PCDHGA8: variants seen among roughly 807,000 people sequenced by gnomAD.
PCDHGA8 encodes the protein protocadherin gamma subfamily A, 8, also known as protocadherin gamma-A8.
PCDHGA8 carries 45 observed loss-of-function variants against 59.2 expected under a neutral mutation model. The observed-to-expected ratio is 0.76, with a 90% CI of 0.60 to 0.98. The LOEUF (loss-of-function observed/expected upper bound fraction) is 0.98, where lower values mean the gene tolerates loss of function less well. Ranked by LOEUF, PCDHGA8 falls within the 50% of genes least tolerant of loss-of-function variation. PCDHGA8 has a pLI of 0.00. For missense variants in PCDHGA8, 1,257 were observed against 1,196.2 expected (o/e 1.05, Z -0.75); for synonymous variants, 531 against 519.0 (o/e 1.02, Z -0.32).
intron 1 of PCDHGA8, among the ~76,000 whole-genome samples, chr5:141,444,150 GGAT>G (rs2098419400): frequency 8.8e-6 from 1 of 114,014 alleles, no homozygotes; most frequent in African/African-American, 3.4e-5. Context: ...TGTGTGTACT[GGAT>G]TTTTTTTTTT....
chr5:141,491,136 G>A lies in PCDHGA8; in HGVS notation c.2425-3671G>A, dbSNP rs769904518. On this transcript the variant is annotated intron_variant, in intron 1 of 3. Coordinates refer to ENST00000398604, the MANE Select transcript of PCDHGA8 (RefSeq NM_032088.2). This position sits in a 1 kb window ranked among gnomAD's most constrained non-coding sequence, Gnocchi z 6.9. ...ACACTGGTGAGGTGCGCACAGCCCG[G>A]GCCTTACTGGAGGATGACTCTGACA... The A allele has an allele frequency of 2.4e-5, 38 of 1,614,030 alleles. 1 individual carries two copies. The South Asian group carries it at 4.1e-4, about 17-fold the overall frequency.
intron 1 of PCDHGA8, chr5:141,422,754 C>T: frequency 1.2e-6 from 2 of 1,612,450 alleles, no homozygotes; most frequent in Non-Finnish European, 1.7e-6. Flanking sequence ...TCTCTATTAA[C>T]TCCAACACTG....
At chr5:141,401,296 C>A (rs2094138441) in intron 1 of PCDHGA8, among the ~76,000 whole-genome samples, 1 of 152,104 alleles carries the variant, frequency 6.6e-6, no homozygotes, top group Non-Finnish European at 1.5e-5. Flanking sequence ...GAGCCGAGAT[C>A]ACTCCATTGC....
At chr5:141,494,215 G>T (rs984086536) in intron 1 of PCDHGA8, among the ~76,000 whole-genome samples, 2 of 152,200 alleles carry the variant, frequency 1.3e-5, no homozygotes, top group Non-Finnish European at 2.9e-5. Context: ...GCCCAATCTG[G>T]CATGACTCCT....
chr5:141,414,271 C>T (rs1561747971), intron 1 of PCDHGA8: 3 of 1,613,292 alleles, frequency 1.9e-6, no homozygotes, highest in East Asian at 2.2e-5. Context: ...AGATTCACCT[C>T]TGGGAACAGT....
At chr5:141,417,585 G>T in intron 1 of PCDHGA8, 1 of 462,794 alleles carries the variant, frequency 2.2e-6, no homozygotes, top group South Asian at 4.9e-5. Context: ...GTCCCACACA[G>T]AGCCTCTGGG....
chr5:141,499,996 C>A (rs1246090346), intron 2 of PCDHGA8, among the ~76,000 whole-genome samples: 2 of 151,572 alleles, frequency 1.3e-5, no homozygotes, highest in Non-Finnish European at 2.9e-5. Flanking sequence ...CCAGATGATT[C>A]TTTCATAAGG....
chr5:141,404,079 C>G lies in PCDHGA8; in HGVS notation c.2424+8842C>G, dbSNP rs768434673. On this transcript the variant is annotated intron_variant, in intron 1 of 3. Transcript: ENST00000398604. ...CTTTTCAATGCTCATGACCGAGACT[C>G]CGGGAAGAATGGTCAAGTTGTCTGT... 3.1e-6 allele frequency: 5 copies of G among 1,613,568 alleles called. No homozygotes were observed. In the East Asian group the frequency reaches 1.1e-4, roughly 36 times the overall value.
chr5:141,427,855 G>T (rs2097079766), intron 1 of PCDHGA8: 1 of 1,553,826 alleles, frequency 6.4e-7, no homozygotes, highest in Non-Finnish European at 8.8e-7. Flanking sequence ...GAGCAGCTGT[G>T]CGCCTTCGAG....
At chr5:141,480,703 C>G (rs577131684) in intron 1 of PCDHGA8, among the ~76,000 whole-genome samples, 1 of 152,134 alleles carries the variant, frequency 6.6e-6, no homozygotes, top group African/African-American at 2.4e-5. Context: ...GGCCACACCC[C>G]GACAAATGAA....
In PCDHGA8 at chr5:141,414,114, T is replaced by C. The variant is rs145910780; in HGVS notation, c.2424+18877T>C. The C allele has an allele frequency of 2.0e-5, 32 of 1,592,348 alleles. 2 individuals carry two copies. In the East Asian group the frequency reaches 6.3e-4, roughly 32 times the overall value. ...TAAAAATATCAGAAAATCTAGATTA[T>C]GAAGAAACCGGTTTCTATGAAATAG... On this transcript the variant is annotated intron_variant, in intron 1 of 3. Coordinates refer to ENST00000398604, the MANE Select transcript of PCDHGA8 (RefSeq NM_032088.2).
rs530404769 is a variant in PCDHGA8, at chr5:141,423,267, G to C, written c.2424+28030G>C. On this transcript the variant is annotated intron_variant, in intron 1 of 3. Coordinates refer to ENST00000398604, the MANE Select transcript of PCDHGA8 (RefSeq NM_032088.2). ...TCCTGGCGGACCTCGGCAGCCTCGA[G>C]TCTCTGGCTAACTCTGAAACCTCAG... The C allele has an allele frequency of 2.5e-6, 4 of 1,613,710 alleles. No individual in the cohort carries two copies. In the South Asian group the frequency reaches 4.4e-5, roughly 18 times the overall value.
chr5:141,399,491 T>A, intron 1 of PCDHGA8: 1 of 1,614,022 alleles, frequency 6.2e-7, no homozygotes, highest in African/African-American at 1.3e-5. Flanking sequence ...TCCTACTTAG[T>A]CAGTGTACCC....
intron 1 of PCDHGA8, among the ~76,000 whole-genome samples, chr5:141,467,404 C>T (rs1032912609): frequency 1.3e-5 from 2 of 151,864 alleles, no homozygotes; most frequent in African/African-American, 4.8e-5. Context: ...AGTTAGAAAG[C>T]CTTTCCCCAC....
In PCDHGA8 at chr5:141,485,066, G is replaced by A. The variant is rs907517904; in HGVS notation, c.2425-9741G>A. On this transcript the variant is annotated intron_variant, in intron 1 of 3. Coordinates refer to ENST00000398604, the MANE Select transcript of PCDHGA8 (RefSeq NM_032088.2). This position sits in a 1 kb window ranked among gnomAD's most constrained non-coding sequence, Gnocchi z 5.7. Reference sequence around the variant, plus strand: ...GCGGCGCCGGCCGAACCGCGCCAGAGCTGGCGCGGGGAAAGGGAGATAGGT... The same window carrying A: ...GCGGCGCCGGCCGAACCGCGCCAGAACTGGCGCGGGGAAAGGGAGATAGGT... 1 of 885,622 alleles carries A rather than the reference G, an allele frequency of 1.1e-6. No individual in the cohort carries two copies. Among genetic ancestry groups the A allele is most frequent in the Non-Finnish European group, 1.8e-6 (1 of 559,820 alleles). 54.9% of individuals were successfully genotyped at this position (885,622 alleles called of 1,614,324 possible).
At chr5:141,415,739 GGTTTTTTTT>G in intron 1 of PCDHGA8, 5 of 434,942 alleles carry the variant, frequency 1.1e-5, no homozygotes, top group African/African-American at 9.8e-5. Context: ...TGTTTATTAA[GGTTTTTTTT>G]TTTTTTTTTT....
Position 141,490,330 on chromosome 5 carries a change from C to T in PCDHGA8, c.2425-4477C>T, listed in dbSNP as rs2099698666. ...GGCCAACCCTGTCCTAGAGAGCACA[C>T]CAGTGGGCACAGTAGTGGGGTTGTT... is the stretch of plus-strand genomic sequence containing the variant. On this transcript the variant is annotated intron_variant, in intron 1 of 3. Transcript: ENST00000398604. The surrounding 1 kb of genome is among the most constrained non-coding windows in gnomAD (Gnocchi z 5.4). 6.2e-7 allele frequency: 1 copy of T among 1,614,080 alleles called. No individual in the cohort carries two copies. Among genetic ancestry groups the T allele is most frequent in the Non-Finnish European group, 8.5e-7 (1 of 1,180,042 alleles).
At chr5:141,462,116 C>T (rs535029363) in intron 1 of PCDHGA8, among the ~76,000 whole-genome samples, 3 of 152,152 alleles carry the variant, frequency 2.0e-5, no homozygotes, top group Admixed American at 1.3e-4. Context: ...AGCCACTGCA[C>T]CCAGTCCAAT....
chr5:141,477,708 G>T lies in PCDHGA8; in HGVS notation c.2425-17099G>T. ...GTGCCCCTAGACTATGAGGATCGGC[G>T]GGAATTTGAATTAACAGCTCATATC... On this transcript the variant is annotated intron_variant, in intron 1 of 3. Transcript: ENST00000398604. The surrounding 1 kb of genome is among the most constrained non-coding windows in gnomAD (Gnocchi z 4.9). 2 of 1,613,930 alleles carry T rather than the reference G, an allele frequency of 1.2e-6. No individual in the cohort carries two copies. Among genetic ancestry groups the T allele is most frequent in the Non-Finnish European group, 1.7e-6 (2 of 1,180,030 alleles).
Sources: allele counts gnomAD v4.1 joint callset (sites outside exome capture counted in the v4.1 genomes callset), GRCh38; gene constraint gnomAD v4.1.1; non-coding constraint Gnocchi (gnomAD v3.1); transcripts MANE v1.5; gene names NCBI Gene and HGNC (gene_info 2026-07-23, HGNC 2026-07-21).